AFAP1: variants seen among roughly 807,000 people sequenced by gnomAD.
The protein encoded by AFAP1 is actin filament-associated protein 1.
A neutral mutation model predicts 93.9 loss-of-function variants in AFAP1; 75 were observed. That is an observed-to-expected ratio of 0.80 (90% CI 0.66 to 0.97). AFAP1 has a LOEUF of 0.97. AFAP1 is among the 50% of genes least tolerant of loss of function. AFAP1 has a pLI of 0.00. For missense variants in AFAP1, 1,201 were observed against 1,050.8 expected, an observed-to-expected ratio of 1.14 and a Z score of -1.98; for synonymous variants, 517 against 430.7, an observed-to-expected ratio of 1.20 and a Z score of -2.48.
chr4:7,819,007 CA>C (rs1213768224), intron 7 of AFAP1, 68 bp downstream of exon 7: 1 of 1,361,630 alleles, frequency 7.3e-7, no homozygotes, highest in Non-Finnish European at 9.9e-7. Flanking sequence ...AGATTGTTAT[CA>C]AACTTTGAAA....
intron 5 of AFAP1, among the ~76,000 whole-genome samples, chr4:7,839,837 T>C (rs966772666): frequency 6.6e-6 from 1 of 152,224 alleles, no homozygotes; most frequent in Non-Finnish European, 1.5e-5. Context: ...ATCTGGGTCC[T>C]AGATCTACTA....
At chr4:7,774,065 G>C (rs1446732354) in intron 15 of AFAP1, 1 of 152,502 alleles carries the variant, frequency 6.6e-6, no homozygotes, top group Non-Finnish European at 1.5e-5. Flanking sequence ...GCACCGGGCT[G>C]GAAGGGAGGC....
At chr4:7,812,647 C>A (rs1009030717) in intron 8 of AFAP1, among the ~76,000 whole-genome samples, 1 of 152,142 alleles carries the variant, frequency 6.6e-6, no homozygotes. Flanking sequence ...CTGGAGTATC[C>A]AGGCACACGC....
intron 1 of AFAP1, among the ~76,000 whole-genome samples, chr4:7,878,428 T>C (rs1425616017): frequency 1.3e-5 from 2 of 152,208 alleles, no homozygotes; most frequent in Admixed American, 6.5e-5. Context: ...CTCAGACTTA[T>C]CTTCACCATC....
At chr4:7,800,094 C>G (rs1718877866) in intron 10 of AFAP1, among the ~76,000 whole-genome samples, 1 of 152,156 alleles carries the variant, frequency 6.6e-6, no homozygotes, top group Non-Finnish European at 1.5e-5. Flanking sequence ...AAGTTATTTT[C>G]CAGGTGCTTT....
chr4:7,772,061 G>T (rs1361527269), intron 16 of AFAP1: 1 of 152,280 alleles, frequency 6.6e-6, no homozygotes, highest in Non-Finnish European at 1.5e-5. Flanking sequence ...GCATTTTACT[G>T]AGGGGTTTGG....
At chr4:7,883,912 C>T (rs1233247812) in intron 1 of AFAP1, among the ~76,000 whole-genome samples, 1 of 152,126 alleles carries the variant, frequency 6.6e-6, no homozygotes. Flanking sequence ...ATATTTCGAG[C>T]AATAGCAATA....
rs116233977 is a variant in AFAP1, at chr4:7,809,848, T to C, written c.905-85A>G. On this transcript the variant is annotated intron_variant, in intron 8 of 17. Coordinates refer to ENST00000420658, the MANE Select transcript of AFAP1 (RefSeq NM_001134647.2). ...AAAACATACATCAAAACCCATTTCTTCTTTCCCTTGGCATTTTTTTCTTTT... is the reference window on the plus strand; with the variant it reads ...AAAACATACATCAAAACCCATTTCTCCTTTCCCTTGGCATTTTTTTCTTTT... 1,099 of 1,491,762 alleles carry C rather than the reference T, an allele frequency of 7.4e-4. 10 individuals carry two copies. In the African/African-American group the frequency reaches 0.014, roughly 19 times the overall value. 92.4% of individuals were successfully genotyped at this position (1,491,762 alleles called of 1,614,324 possible). A position where few individuals can be genotyped will look rare whatever the true frequency, so the allele number is the denominator to read the frequency against.
Position 7,926,799 on chromosome 4 carries a change from C to T in AFAP1, c.-3+12857G>A, listed in dbSNP as rs538873967. On this transcript the variant is annotated intron_variant, in intron 1 of 17. Coordinates refer to ENST00000420658, the MANE Select transcript of AFAP1 (RefSeq NM_001134647.2). ...TCGCCCAAGCTGGAGTGCAGCAGCGCACTATTAGCTCACTGCAACCTCCGC... is the reference window on the plus strand; with the variant it reads ...TCGCCCAAGCTGGAGTGCAGCAGCGTACTATTAGCTCACTGCAACCTCCGC... 5.9e-5 allele frequency among the ~76,000 whole-genome samples: 9 copies of T among 152,242 alleles called. 1 individual carries two copies. The South Asian group carries it at 1.5e-3, about 25-fold the overall frequency.
intron 1 of AFAP1, among the ~76,000 whole-genome samples, chr4:7,873,778 C>A (rs1264194336): frequency 6.6e-6 from 1 of 152,156 alleles, no homozygotes; most frequent in Non-Finnish European, 1.5e-5. Flanking sequence ...CCACCCGAAG[C>A]CACTTGTTGC....
Position 7,762,929 on chromosome 4 carries a change from G to A in AFAP1, c.*836C>T, listed in dbSNP as rs978627959. 2.0e-5 allele frequency: 3 copies of A among 152,382 alleles called. No individual in the cohort carries two copies. The highest frequency in any genetic ancestry group is 7.2e-5 in the African/African-American group (3 of 41,466). 9.4% of individuals were successfully genotyped at this position (152,382 alleles called of 1,614,324 possible). Reference sequence around the variant, plus strand: ...AGAAGCACCTGCCGGCTCCGACGTGGATTAAGGGCTGGGGATGCTAGCCCA... The same window carrying A: ...AGAAGCACCTGCCGGCTCCGACGTGAATTAAGGGCTGGGGATGCTAGCCCA... On this transcript the variant is annotated 3_prime_UTR_variant, in exon 18 of 18. Transcript: ENST00000420658.
intron 12 of AFAP1, among the ~76,000 whole-genome samples, chr4:7,783,305 A>G (rs1246354638): frequency 6.6e-6 from 1 of 152,060 alleles, no homozygotes; most frequent in East Asian, 1.9e-4. Flanking sequence ...ATGCCCGGCT[A>G]ATTTTTGTAT....
chr4:7,814,493 C>T (rs1243135021), intron 8 of AFAP1, among the ~76,000 whole-genome samples: 1 of 152,176 alleles, frequency 6.6e-6, no homozygotes, highest in African/African-American at 2.4e-5. Context: ...GATTTTTCAA[C>T]CGTCGCTCCA....
At chr4:7,936,539 C>G (rs1190480299) in intron 1 of AFAP1, among the ~76,000 whole-genome samples, 1 of 150,196 alleles carries the variant, frequency 6.7e-6, no homozygotes, top group African/African-American at 2.5e-5. Context: ...TATAGCTCCT[C>G]TATAGGTCAT....
intron 1 of AFAP1, among the ~76,000 whole-genome samples, chr4:7,904,698 G>A (rs1042968156): frequency 4.1e-5 from 2 of 48,588 alleles, no homozygotes; most frequent in African/African-American, 1.1e-4. Context: ...CAAATGGTTT[G>A]TTTGTTTGTT....
At chr4:7,814,814 CTTGA>C (rs1339622405) in intron 8 of AFAP1, among the ~76,000 whole-genome samples, 2 of 151,760 alleles carry the variant, frequency 1.3e-5, no homozygotes, top group African/African-American at 4.8e-5. Flanking sequence ...TGCTCCGTGT[CTTGA>C]TTGTGGTGAT....
intron 17 of AFAP1, among the ~76,000 whole-genome samples, chr4:7,764,581 G>T (rs1714288247): frequency 6.6e-6 from 1 of 152,146 alleles, no homozygotes; most frequent in Non-Finnish European, 1.5e-5. Context: ...TACTCTAATA[G>T]AAAAAAATTT....
At chr4:7,846,107 G>A (rs1479100106) in intron 4 of AFAP1, among the ~76,000 whole-genome samples, 3 of 152,190 alleles carry the variant, frequency 2.0e-5, no homozygotes, top group South Asian at 2.1e-4. Flanking sequence ...GGCACAGGGG[G>A]TCCTTTCAGC....
chr4:7,938,465 G>A (rs1721520921), intron 1 of AFAP1, among the ~76,000 whole-genome samples: 1 of 152,168 alleles, frequency 6.6e-6, no homozygotes, highest in Non-Finnish European at 1.5e-5. Context: ...ACTAAGGAGT[G>A]ATTCCACTTT....
Sources: gnomAD v4.1 joint callset for allele counts (sites outside exome capture counted in the v4.1 genomes callset) on GRCh38, gnomAD v4.1.1 for gene constraint, MANE v1.5 for transcripts, NCBI Gene and HGNC (gene_info 2026-07-23, HGNC 2026-07-21) for gene names.